The following MUC13 variants were observed in gnomAD, a reference collection of about 807,000 sequenced individuals.
MUC13 encodes the protein mucin 13, cell surface associated.
A neutral mutation model predicts 48.3 loss-of-function variants in MUC13; 32 were observed. The ratio of observed to expected loss-of-function variants is 0.66; its 90% confidence interval spans 0.50 to 0.89. MUC13 has a LOEUF of 0.89. Ranked by LOEUF, MUC13 falls within the 40% of genes least tolerant of loss-of-function variation. The pLI is 0.00. For missense variants in MUC13, 571 were observed against 622.8 expected, an observed-to-expected ratio of 0.92 and a Z score of 0.88; for synonymous variants, 199 against 224.9, an observed-to-expected ratio of 0.88 and a Z score of 1.03.
intron 8 of MUC13, 118 bp downstream of exon 8, chr3:124,912,993 T>A: frequency 9.8e-7 from 1 of 1,021,912 alleles, no homozygotes; most frequent in Non-Finnish European, 1.4e-6. Context: ...ATGCTGTCTC[T>A]ACCAACCTAT....
At chr3:124,912,074 T>C in intron 9 of MUC13, 30 bp downstream of exon 9, 4 of 1,608,406 alleles carry the variant, frequency 2.5e-6, no homozygotes, top group Non-Finnish European at 3.4e-6. Flanking sequence ...TTTAATAACT[T>C]GTTTATAATA....
intron 9 of MUC13, 49 bp from the exon 10 acceptor site, chr3:124,910,548 A>G (rs774828021): frequency 6.2e-7 from 1 of 1,609,038 alleles, no homozygotes; most frequent in Non-Finnish European, 8.5e-7. Context: ...CTGGCCCCCA[A>G]CTGTCTACTG....
chr3:124,929,962 C>T (rs1249550739), intron 1 of MUC13, among the ~76,000 whole-genome samples: 4 of 152,156 alleles, frequency 2.6e-5, no homozygotes, highest in Non-Finnish European at 2.9e-5. Context: ...CTCCACGGTG[C>T]CCTCTATCAT....
Position 124,916,434 on chromosome 3 carries a change from C to G in MUC13, c.847G>C (p.Val283Leu). 1 of 1,613,686 alleles carries G rather than the reference C, an allele frequency of 6.2e-7. No individual in the cohort carries two copies. The highest frequency in any genetic ancestry group is 8.5e-7 in the Non-Finnish European group (1 of 1,179,854). The change falls in exon 6 of 12, where the codon GTT becomes CTT. Residue 283 changes from valine (V) to leucine (L), a missense_variant. Transcript: ENST00000616727. ...AAAATTGTTACTATTGTTACATTAA[C>G]AAACTTGTCATCAGCACGCATTTCA... is the stretch of plus-strand genomic sequence containing the variant. ...RSEMRADDKF[V>L]NVTIVTILAE...
At chr3:124,916,519 T>G in intron 5 of MUC13, 39 bp from the exon 6 acceptor site, 1 of 1,566,490 alleles carries the variant, frequency 6.4e-7, no homozygotes, top group East Asian at 2.3e-5. Flanking sequence ...TGAATTGAAC[T>G]GAAGAATCAA....
In MUC13 at chr3:124,905,876, T is replaced by G. The variant is rs1935307635; in HGVS notation, c.*867A>C. The G allele has an allele frequency of 6.6e-6, 1 of 152,470 alleles. No individual in the cohort carries two copies. The highest frequency in any genetic ancestry group is 2.4e-5 in the African/African-American group (1 of 41,458). 9.4% of individuals were successfully genotyped at this position (152,470 alleles called of 1,614,324 possible). A position where few individuals can be genotyped will look rare whatever the true frequency, so the allele number is the denominator to read the frequency against. On this transcript the variant is annotated 3_prime_UTR_variant, in exon 12 of 12. Transcript: ENST00000616727. ...GAGGGCATGATTAGAGAAGTGCTCC[T>G]TTGCTGATGGAGGAGGGGACCTAAG...
Position 124,914,406 on chromosome 3 carries a change from G to A in MUC13, c.965-725C>T, listed in dbSNP as rs542063716. Among the ~76,000 whole-genome samples, 13 of 151,618 alleles carry A rather than the reference G, an allele frequency of 8.6e-5. No homozygotes were observed. The East Asian group carries it at 2.1e-3, about 25-fold the overall frequency. ...GCTCTGGGTGACAGAGCAAGAATCC[G>A]TCTCGGGGAGAAAAAAAAAAATGAT... On this transcript the variant is annotated intron_variant, in intron 6 of 11. Coordinates refer to ENST00000616727, the MANE Select transcript of MUC13 (RefSeq NM_033049.4).
chr3:124,921,813 G>A (rs1935597222), intron 4 of MUC13, among the ~76,000 whole-genome samples: 1 of 152,066 alleles, frequency 6.6e-6, no homozygotes, highest in South Asian at 2.1e-4. Context: ...TTCATTCTGT[G>A]GAAATAATTT....
intron 5 of MUC13, among the ~76,000 whole-genome samples, chr3:124,916,907 TC>T (rs1935520126): frequency 1.3e-5 from 2 of 152,066 alleles, no homozygotes; most frequent in Admixed American, 1.3e-4. Flanking sequence ...CGCGTGTCCC[TC>T]CCTCTGCATG....
intron 9 of MUC13, among the ~76,000 whole-genome samples, chr3:124,911,613 G>A (rs933883944): frequency 2.0e-5 from 3 of 151,634 alleles, no homozygotes; most frequent in African/African-American, 7.3e-5. Flanking sequence ...TCTTAATCTG[G>A]TGGGGGTGGG....
chr3:124,930,350 GA>G (rs1334499242), intron 1 of MUC13, among the ~76,000 whole-genome samples: 1 of 43,066 alleles, frequency 2.3e-5, no homozygotes, highest in Non-Finnish European at 7.3e-5. Context: ...GAATAGCTAC[GA>G]TTTTTTTTTA....
rs1263937395 is a variant in MUC13 at position 124,910,458 on chromosome 3, T to C, written c.1294A>G (p.Ile432Val). ...GCAATTATCATGCTGAGAATGACAATGCCAGCGATGGTGCCCACAATAGTG... is the reference window on the plus strand; with the variant it reads ...GCAATTATCATGCTGAGAATGACAACGCCAGCGATGGTGCCCACAATAGTG... Reference protein sequence around the residue: ...ILTIVGTIAGIVILSMIIALI... With the variant: ...ILTIVGTIAGVVILSMIIALI... Residue 432 changes from isoleucine to valine, a missense_variant, in exon 10 of 12, where the codon ATT becomes GTT. Transcript: ENST00000616727. 6.2e-7 allele frequency: 1 copy of C among 1,614,054 alleles called. No individual in the cohort carries two copies. Among genetic ancestry groups the C allele is most frequent in the Non-Finnish European group, 8.5e-7 (1 of 1,179,976 alleles).
chr3:124,933,462 G>T (rs1192303915), intron 1 of MUC13, among the ~76,000 whole-genome samples: 2 of 152,148 alleles, frequency 1.3e-5, no homozygotes, highest in Non-Finnish European at 2.9e-5. Flanking sequence ...CAGGAAAGAA[G>T]ACCGAGAAGG....
rs187853532 is a variant in MUC13 at position 124,909,008 on chromosome 3, A to T, written c.1338-660T>A. On this transcript the variant is annotated intron_variant, in intron 10 of 11. Coordinates refer to ENST00000616727, the MANE Select transcript of MUC13 (RefSeq NM_033049.4). Reference sequence around the variant, plus strand: ...GTCTCCACTAAAAATACAAAAATTAACCAGGCACAGTGGCATGTGCCTCTA... The same window carrying T: ...GTCTCCACTAAAAATACAAAAATTATCCAGGCACAGTGGCATGTGCCTCTA... Among the ~76,000 whole-genome samples, 16 of 152,104 alleles carry T rather than the reference A, an allele frequency of 1.1e-4. No individual in the cohort carries two copies. The East Asian group carries it at 2.9e-3, about 28-fold the overall frequency.
Position 124,905,969 on chromosome 3 carries a change from T to A in MUC13, c.*774A>T, listed in dbSNP as rs569410326. The A allele has an allele frequency of 1.3e-5, 2 of 152,820 alleles. No individual in the cohort carries two copies. The highest frequency in any genetic ancestry group is 4.1e-4 in the South Asian group (2 of 4,820). 9.5% of individuals were successfully genotyped at this position (152,820 alleles called of 1,614,324 possible). On this transcript the variant is annotated 3_prime_UTR_variant, in exon 12 of 12. Transcript: ENST00000616727. ...CCCACCCAGTTTCCTTTGCCTCTCT[T>A]CCTTCTACCAGGTCATGTTTTTTAC... is the stretch of plus-strand genomic sequence containing the variant.
chr3:124,911,709 A>G (rs1043850849), intron 9 of MUC13, among the ~76,000 whole-genome samples: 3 of 152,216 alleles, frequency 2.0e-5, no homozygotes, highest in African/African-American at 7.2e-5. Flanking sequence ...GAGTATTTAA[A>G]TGTCTGGTTT....
At chr3:124,920,664 C>T (rs995077621) in intron 4 of MUC13, among the ~76,000 whole-genome samples, 4 of 152,192 alleles carry the variant, frequency 2.6e-5, no homozygotes, top group East Asian at 1.9e-4. Flanking sequence ...CTCTGAAGAC[C>T]GGGGCATAAG....
rs1935570639 is a variant in MUC13, at chr3:124,920,148, C to T, written c.800+86G>A. On this transcript the variant is annotated intron_variant, in intron 5 of 11. Transcript: ENST00000616727. ...TTAACTTGTGACTTGCCACAGAGGG[C>T]CTTAATGTTACATGCAGACCTCAAG... is the stretch of plus-strand genomic sequence containing the variant. 5 of 1,115,182 alleles carry T rather than the reference C, an allele frequency of 4.5e-6. No homozygotes were observed. The Admixed American group carries it at 7.9e-5, about 18-fold the overall frequency. The allele number at this position is 1,115,182 out of a possible 1,614,324, so 69.1% of individuals were successfully genotyped here.
chr3:124,923,664 A>G lies in MUC13; in HGVS notation c.515-15T>C. 4 of 1,602,496 alleles carry G rather than the reference A, an allele frequency of 2.5e-6. No individual in the cohort carries two copies. Among genetic ancestry groups the G allele is most frequent in the East Asian group, 4.5e-5 (2 of 44,776 alleles). On this transcript the variant is annotated splice_polypyrimidine_tract_variant and intron_variant, in intron 2 of 11. Coordinates refer to ENST00000616727, the MANE Select transcript of MUC13 (RefSeq NM_033049.4). ...ATTGCTGGGACCTTAGATGGAGTAG[A>G]AAGAGATTAGAAATCCAGAGAAATG... is the stretch of plus-strand genomic sequence containing the variant.
Sources: allele counts gnomAD v4.1 joint callset (sites outside exome capture counted in the v4.1 genomes callset), GRCh38; gene constraint gnomAD v4.1.1; transcripts MANE v1.5; gene names NCBI Gene and HGNC (gene_info 2026-07-23, HGNC 2026-07-21).